Variants in PTPRG observed in about 807,000 individuals in gnomAD.
PTPRG encodes the protein protein tyrosine phosphatase receptor type G.
In PTPRG, 102 loss-of-function variants were observed where a neutral mutation model predicts 165.3. The observed-to-expected ratio is 0.62, with a 90% CI of 0.53 to 0.73. PTPRG has a LOEUF of 0.73. PTPRG is among the 30% of genes least tolerant of loss of function. The pLI is 0.00. For synonymous variants in PTPRG, 675 were observed against 669.5 expected, an observed-to-expected ratio of 1.01 and a Z score of -0.13; for missense variants, 1,866 against 1,861.4, an observed-to-expected ratio of 1.00 and a Z score of -0.05.
rs2106898093 is a variant in PTPRG at position 62,222,880 on chromosome 3, A to G, written c.2288+3897A>G. Among the ~76,000 whole-genome samples the G allele has an allele frequency of 6.6e-6, 1 of 152,250 alleles. No individual in the cohort carries two copies. Among genetic ancestry groups the G allele is most frequent in the South Asian group, 2.1e-4 (1 of 4,808 alleles). ...AGTCCATTGGAAGAGGCAGATGAGT[A>G]AATAGAATTGAGTATGGGGAGTATT... On this transcript the variant is annotated intron_variant, in intron 13 of 29. Transcript: ENST00000474889. This position sits in a 1 kb window ranked among gnomAD's most constrained non-coding sequence, Gnocchi z 4.5.
At chr3:61,986,493 A>T (rs1387205636) in intron 2 of PTPRG, among the ~76,000 whole-genome samples, 1 of 152,202 alleles carries the variant, frequency 6.6e-6, no homozygotes, top group Non-Finnish European at 1.5e-5. Flanking sequence ...ATTAAAAAGG[A>T]TATATTTGTC....
At chr3:61,650,857 T>C (rs889650763) in intron 1 of PTPRG, among the ~76,000 whole-genome samples, 1 of 152,242 alleles carries the variant, frequency 6.6e-6, no homozygotes, top group African/African-American at 2.4e-5. Context: ...GTTTTATAGC[T>C]TGCTTTTCTT....
chr3:62,174,373 G>C (rs534285763), intron 8 of PTPRG, among the ~76,000 whole-genome samples: 5 of 152,178 alleles, frequency 3.3e-5, no homozygotes, highest in African/African-American at 1.2e-4. Context: ...GAAATGGAGA[G>C]GACACCGGGC....
chr3:62,188,951 C>T (rs569858765), intron 8 of PTPRG, among the ~76,000 whole-genome samples: 43 of 152,178 alleles, frequency 2.8e-4, no homozygotes, highest in Non-Finnish European at 5.3e-4. Context: ...TTTCCCCCGC[C>T]TCCTCCGTGT....
chr3:61,916,779 T>A (rs1372175208), intron 2 of PTPRG, among the ~76,000 whole-genome samples: 1 of 152,196 alleles, frequency 6.6e-6, no homozygotes, highest in African/African-American at 2.4e-5. Flanking sequence ...CACTGAGGTA[T>A]AGGAATATTA....
chr3:61,837,481 G>A (rs185651849), intron 2 of PTPRG, among the ~76,000 whole-genome samples: 1 of 152,224 alleles, frequency 6.6e-6, no homozygotes, highest in Non-Finnish European at 1.5e-5. Flanking sequence ...ATGTCTTGCT[G>A]AATGTTCGGC....
intron 7 of PTPRG, among the ~76,000 whole-genome samples, chr3:62,161,294 G>A (rs1233440914): frequency 6.6e-6 from 1 of 152,160 alleles, no homozygotes; most frequent in Non-Finnish European, 1.5e-5. Flanking sequence ...GGACTGTCTG[G>A]TAGAAGTAAA....
At chr3:62,265,447 C>G (rs964697392) in intron 17 of PTPRG, among the ~76,000 whole-genome samples, 2 of 152,080 alleles carry the variant, frequency 1.3e-5, no homozygotes, top group South Asian at 4.1e-4. Context: ...TATATAAATA[C>G]ATTTGTAGGT....
chr3:61,634,341 G>A (rs1012129640), intron 1 of PTPRG, among the ~76,000 whole-genome samples: 2 of 151,638 alleles, frequency 1.3e-5, no homozygotes, highest in Non-Finnish European at 2.9e-5. Flanking sequence ...AGGTTCAAGC[G>A]ATTCTTCTTG....
intron 4 of PTPRG, among the ~76,000 whole-genome samples, chr3:62,071,734 TG>T (rs1701216529): frequency 6.6e-6 from 1 of 152,200 alleles, no homozygotes; most frequent in African/African-American, 2.4e-5. Context: ...AAGACAATTT[TG>T]AAATATAATT....
At chr3:62,068,316 C>T (rs981594557) in intron 4 of PTPRG, among the ~76,000 whole-genome samples, 2 of 152,186 alleles carry the variant, frequency 1.3e-5, no homozygotes, top group Non-Finnish European at 2.9e-5. Context: ...TTATTGGGCC[C>T]TAGGCTGGAG....
intron 5 of PTPRG, among the ~76,000 whole-genome samples, chr3:62,093,922 A>G (rs565925885): frequency 1.3e-5 from 2 of 152,280 alleles, no homozygotes; most frequent in South Asian, 4.1e-4. Context: ...AAATTACTAC[A>G]TCTGGTGAGA....
At chr3:61,887,163 TATATA>T (rs2038072321) in intron 2 of PTPRG, among the ~76,000 whole-genome samples, 6 of 99,174 alleles carry the variant, frequency 6.0e-5, no homozygotes, top group East Asian at 5.6e-4. Flanking sequence ...TATATATATA[TATATA>T]TATTTTTAAT....
rs1414471842 is a variant in PTPRG at position 61,621,045 on chromosome 3, A to ATGTGTGTGTGTG, written c.85+58674_85+58675insGTGTGTGTGTGT. Among the ~76,000 whole-genome samples, 454 of 77,478 alleles carry ATGTGTGTGTGTG rather than the reference A, an allele frequency of 5.9e-3. 2 individuals are homozygous for ATGTGTGTGTGTG. The highest frequency in any genetic ancestry group is 0.019 in the African/African-American group (395 of 21,168). 50.8% of individuals were successfully genotyped at this position (77,478 alleles called of 152,430 possible). On this transcript the variant is annotated intron_variant, in intron 1 of 29. Transcript: ENST00000474889. ...CCAGTGTGTGTGTGTATATATATAT[A>ATGTGTGTGTGTG]TATATATGTGTGTGTGTGTGTGTGT...
At chr3:61,660,509 C>G (rs905576768) in intron 1 of PTPRG, among the ~76,000 whole-genome samples, 1 of 152,194 alleles carries the variant, frequency 6.6e-6, no homozygotes, top group Non-Finnish European at 1.5e-5. Flanking sequence ...TTTGAGCCCC[C>G]TCTCGCCTCT....
In PTPRG at chr3:62,228,508, C is replaced by T. The variant is rs1700817283; in HGVS notation, c.2289-2717C>T. The stretch of plus-strand genomic sequence containing the variant: ...CAGCCTGGGCAACAGAGCAAAACTC[C>T]ATCTCAAAAAAAAAAAAGAAAGAAA... On this transcript the variant is annotated intron_variant, in intron 13 of 29. Coordinates refer to ENST00000474889, the MANE Select transcript of PTPRG (RefSeq NM_002841.4). This position sits in a 1 kb window ranked among gnomAD's most constrained non-coding sequence, Gnocchi z 4.1. Among the ~76,000 whole-genome samples the T allele has an allele frequency of 6.9e-6, 1 of 145,692 alleles. No homozygotes were observed. Among genetic ancestry groups the T allele is most frequent in the Admixed American group, 6.9e-5 (1 of 14,550 alleles).
rs184666268 is a variant in PTPRG at position 62,225,898 on chromosome 3, C to A, written c.2289-5327C>A. On this transcript the variant is annotated intron_variant, in intron 13 of 29. Coordinates refer to ENST00000474889, the MANE Select transcript of PTPRG (RefSeq NM_002841.4). ...CAAACTCCTGACCTCAGGTGATCCACCCGCCTCTGTCTCCCAAAGTGCTGG... is the reference window on the plus strand; with the variant it reads ...CAAACTCCTGACCTCAGGTGATCCAACCGCCTCTGTCTCCCAAAGTGCTGG... 5.9e-3 allele frequency among the ~76,000 whole-genome samples: 899 copies of A among 152,212 alleles called. 10 individuals carry two copies. Among genetic ancestry groups the A allele is most frequent in the African/African-American group, 0.021 (856 of 41,536 alleles).
intron 4 of PTPRG, among the ~76,000 whole-genome samples, chr3:62,070,007 GTAAC>G (rs1259652540): frequency 6.6e-6 from 1 of 152,024 alleles, no homozygotes; most frequent in African/African-American, 2.4e-5. Flanking sequence ...CTTTTAAAAA[GTAAC>G]TAGGAATAAA....
At chr3:61,776,337 C>T (rs1383369146) in intron 2 of PTPRG, among the ~76,000 whole-genome samples, 3 of 151,480 alleles carry the variant, frequency 2.0e-5, no homozygotes, top group African/African-American at 7.3e-5. Context: ...ATTTTTTTGA[C>T]CCCAAGTTCT....
Sources: gnomAD v4.1 joint callset for allele counts (sites outside exome capture counted in the v4.1 genomes callset) on GRCh38, gnomAD v4.1.1 for gene constraint, Gnocchi (gnomAD v3.1) non-coding constraint, MANE v1.5 for transcripts, NCBI Gene and HGNC (gene_info 2026-07-23, HGNC 2026-07-21) for gene names.